The following NRXN1 variants were observed in gnomAD, a reference collection of about 807,000 sequenced individuals.
NRXN1 encodes the protein neurexin 1.
A neutral mutation model predicts 150.9 loss-of-function variants in NRXN1; 39 were observed. That is an observed-to-expected ratio of 0.26 (90% CI 0.20 to 0.34). NRXN1 has a LOEUF of 0.34. Ranked by LOEUF, NRXN1 falls within the 10% of genes least tolerant of loss-of-function variation. NRXN1 has a pLI of 1.00. For synonymous variants in NRXN1, 924 were observed against 757.0 expected (o/e 1.22, Z -3.62); for missense variants, 1,815 against 1,949.9 (o/e 0.93, Z 1.30).
chr2:50,852,409 G>A (rs1037263697), intron 5 of NRXN1, among the ~76,000 whole-genome samples: 1 of 152,120 alleles, frequency 6.6e-6, no homozygotes, highest in Admixed American at 6.5e-5. Context: ...TTCTTTTGTT[G>A]TTACGTTAAA....
rs183845917 is a variant in NRXN1 at position 51,022,138 on chromosome 2, C to A, written c.772+5364G>T. 1.4e-3 allele frequency among the ~76,000 whole-genome samples: 215 copies of A among 151,946 alleles called. 2 individuals are homozygous for A. Among genetic ancestry groups the A allele is most frequent in the African/African-American group, 5.0e-3 (209 of 41,480 alleles). ...TACATTTAAATTTTGCTTGAAAGTA[C>A]CCCTAAAGAAAATAGTGTCGGTGGA... On this transcript the variant is annotated intron_variant, in intron 2 of 22. Coordinates refer to ENST00000401669, the MANE Select transcript of NRXN1 (RefSeq NM_001330078.2).
At chr2:50,549,478 T>C (rs770270459) in intron 9 of NRXN1, among the ~76,000 whole-genome samples, 1 of 152,186 alleles carries the variant, frequency 6.6e-6, no homozygotes, top group Non-Finnish European at 1.5e-5. Context: ...CACATAAAAG[T>C]ACTTTACCAT....
chr2:50,432,953 G>C (rs1572951908), intron 17 of NRXN1, among the ~76,000 whole-genome samples: 1 of 152,036 alleles, frequency 6.6e-6, no homozygotes, highest in Admixed American at 6.5e-5. Context: ...CCAGTGGCTT[G>C]GTCATAATGG....
intron 21 of NRXN1, among the ~76,000 whole-genome samples, chr2:49,963,464 T>C (rs896594017): frequency 4.6e-5 from 7 of 152,224 alleles, no homozygotes; most frequent in Admixed American, 2.6e-4. Flanking sequence ...CCTCCACCTA[T>C]GTTTGGGCGG....
intron 5 of NRXN1, among the ~76,000 whole-genome samples, chr2:50,875,711 G>T (rs1266001449): frequency 6.6e-6 from 1 of 151,762 alleles, no homozygotes; most frequent in Non-Finnish European, 1.5e-5. Context: ...CCAACAGCTT[G>T]ATATCCAGGC....
chr2:50,201,023 T>C lies in NRXN1; in HGVS notation c.3546+35766A>G, dbSNP rs186153534. 2.0e-5 allele frequency among the ~76,000 whole-genome samples: 3 copies of C among 152,298 alleles called. 1 individual carries two copies. The highest frequency in any genetic ancestry group is 7.2e-5 in the African/African-American group (3 of 41,582). On this transcript the variant is annotated intron_variant, in intron 18 of 22. Coordinates refer to ENST00000401669, the MANE Select transcript of NRXN1 (RefSeq NM_001330078.2). ...TAGGTCTTCTTTTATTTTACTTCTG[T>C]TGCCCACTGTTTAATTTCTGAGGCC...
chr2:50,087,686 A>G (rs1698983195), intron 19 of NRXN1, among the ~76,000 whole-genome samples: 1 of 152,152 alleles, frequency 6.6e-6, no homozygotes, highest in African/African-American at 2.4e-5. Flanking sequence ...AATAATGGAT[A>G]CTAGGTCTTC....
intron 2 of NRXN1, among the ~76,000 whole-genome samples, chr2:51,025,430 A>T (rs1670286214): frequency 1.3e-5 from 2 of 152,190 alleles, no homozygotes; most frequent in Admixed American, 6.5e-5. Context: ...GTTCCTGATT[A>T]TGCATGATCT....
intron 2 of NRXN1, among the ~76,000 whole-genome samples, chr2:50,938,290 G>C (rs1208999193): frequency 6.6e-6 from 1 of 152,134 alleles, no homozygotes; most frequent in East Asian, 1.9e-4. Context: ...TGGCTATTAT[G>C]TCACTAGGCA....
chr2:49,989,636 C>T (rs62134612), intron 21 of NRXN1, among the ~76,000 whole-genome samples: 70,930 of 151,874 alleles, frequency 0.47, 17,200 homozygotes, highest in Middle Eastern at 0.61. Flanking sequence ...CAGGCTTATT[C>T]GGTGATTCTG....
At chr2:50,599,850 G>T (rs1675950267) in intron 8 of NRXN1, among the ~76,000 whole-genome samples, 1 of 152,096 alleles carries the variant, frequency 6.6e-6, no homozygotes, top group Non-Finnish European at 1.5e-5. Context: ...GGTACAAAGG[G>T]TGAATAATTG....
Position 51,028,082 on chromosome 2 carries a change from G to A in NRXN1, c.192C>T (p.Arg64=), listed in dbSNP as rs748944452. 2.5e-6 allele frequency: 4 copies of A among 1,587,040 alleles called. No individual in the cohort carries two copies. The highest frequency in any genetic ancestry group is 1.1e-5 in the South Asian group (1 of 89,400). Residue 64 remains arginine (R), a synonymous_variant, in exon 2 of 23, where the codon CGC becomes CGT. Coordinates refer to ENST00000401669, the MANE Select transcript of NRXN1 (RefSeq NM_001330078.2). Reference sequence around the variant, plus strand: ...CGTCGTCGAAGTAGAGCACGAGGCCGCGGGCGCTGCGAGTCTTGAGCTGGA... The same window carrying A: ...CGTCGTCGAAGTAGAGCACGAGGCCACGGGCGCTGCGAGTCTTGAGCTGGA... ...MSFQLKTRSA[R]GLVLYFDDEG... is the part of the protein sequence containing the mutation.
intron 21 of NRXN1, among the ~76,000 whole-genome samples, chr2:50,002,645 G>C (rs1480236649): frequency 6.6e-6 from 1 of 152,070 alleles, no homozygotes; most frequent in Non-Finnish European, 1.5e-5. Context: ...CTAATCTTAT[G>C]TATTACTGGC....
At chr2:51,022,643 AC>A (rs1259193499) in intron 2 of NRXN1, among the ~76,000 whole-genome samples, 1 of 152,254 alleles carries the variant, frequency 6.6e-6, no homozygotes, top group Admixed American at 6.5e-5. Context: ...CAGGTGATCC[AC>A]CTTTTCCTAC....
At chr2:50,664,828 T>C (rs1687797643) in intron 5 of NRXN1, among the ~76,000 whole-genome samples, 2 of 151,790 alleles carry the variant, frequency 1.3e-5, no homozygotes, top group African/African-American at 4.8e-5. Context: ...TTCAGTCTTA[T>C]TTTGCAATAA....
At chr2:50,967,192 A>C (rs1258232609) in intron 2 of NRXN1, among the ~76,000 whole-genome samples, 1 of 151,974 alleles carries the variant, frequency 6.6e-6, no homozygotes, top group Non-Finnish European at 1.5e-5. Flanking sequence ...CAGATACATA[A>C]ATTTCTGATA....
chr2:50,175,397 C>T (rs933412178), intron 18 of NRXN1, among the ~76,000 whole-genome samples: 1 of 152,096 alleles, frequency 6.6e-6, no homozygotes, highest in Non-Finnish European at 1.5e-5. Flanking sequence ...ATTTGGTTTT[C>T]CTTTCCTTCT....
intron 18 of NRXN1, among the ~76,000 whole-genome samples, chr2:50,234,197 T>C (rs770547394): frequency 6.6e-6 from 1 of 152,030 alleles, no homozygotes. Flanking sequence ...ATTATATGCT[T>C]AAAACATGGA....
intron 16 of NRXN1, among the ~76,000 whole-genome samples, chr2:50,466,774 T>C (rs964746947): frequency 2.6e-5 from 4 of 151,840 alleles, no homozygotes; most frequent in African/African-American, 9.7e-5. Context: ...GGCCTTTGTA[T>C]GTTTCCTCTC....
Sources: allele counts gnomAD v4.1 joint callset (sites outside exome capture counted in the v4.1 genomes callset), GRCh38; gene constraint gnomAD v4.1.1; transcripts MANE v1.5; gene names NCBI Gene and HGNC (gene_info 2026-07-23, HGNC 2026-07-21).